THEMIS: variants seen among roughly 807,000 people sequenced by gnomAD.
THEMIS encodes the protein thymocyte selection associated, also known as protein THEMIS.
THEMIS carries 37 observed loss-of-function variants against 52.6 expected under a neutral mutation model. The ratio of observed to expected loss-of-function variants is 0.70; its 90% CI spans 0.54 to 0.93. The LOEUF (loss-of-function observed/expected upper bound fraction) is 0.93, where lower values mean the gene tolerates loss of function less well. THEMIS is among the 40% of genes least tolerant of loss of function. The probability of loss-of-function intolerance (pLI) is 0.00; values close to 1 mark genes in which losing one functional copy is unlikely to be tolerated. For missense variants in THEMIS, 808 were observed against 763.1 expected, an observed-to-expected ratio of 1.06 and a Z score of -0.69; for synonymous variants, 292 against 272.7, an observed-to-expected ratio of 1.07 and a Z score of -0.70.
At chr6:127,867,340 C>G (rs1780014127) in intron 1 of THEMIS, among the ~76,000 whole-genome samples, 1 of 152,090 alleles carries the variant, frequency 6.6e-6, no homozygotes, top group South Asian at 2.1e-4. Context: ...AAAGAAAATG[C>G]TTATTTCTCT....
intron 2 of THEMIS, among the ~76,000 whole-genome samples, chr6:127,843,454 T>C (rs1779117213): frequency 6.6e-6 from 1 of 151,934 alleles, no homozygotes; most frequent in South Asian, 2.1e-4. Context: ...AAGTGGAAAA[T>C]ATATATCAGA....
In THEMIS at chr6:127,784,400, C is replaced by T. The variant is rs192764102; in HGVS notation, c.1758+28483G>A. On this transcript the variant is annotated intron_variant, in intron 4 of 5. Transcript: ENST00000368248. ...AAAGTATATGTAAAAAAAAAATTCC[C>T]TTTTTTCCAGCAAAGTCCAGACTCT... Among the ~76,000 whole-genome samples the T allele has an allele frequency of 1.1e-3, 173 of 152,068 alleles. 1 individual carries two copies. Among genetic ancestry groups the T allele is most frequent in the African/African-American group, 3.9e-3 (163 of 41,508 alleles).
chr6:127,733,829 T>C (rs1482379888), intron 4 of THEMIS, among the ~76,000 whole-genome samples: 1 of 152,158 alleles, frequency 6.6e-6, no homozygotes, highest in Non-Finnish European at 1.5e-5. Flanking sequence ...GAAAAGACTA[T>C]ATCTAGTATA....
At chr6:127,706,235 A>G (rs188389027), downstream of THEMIS, among the ~76,000 whole-genome samples, 588 of 152,110 alleles carry the variant, frequency 3.9e-3, 5 homozygotes, top group Non-Finnish European at 3.9e-3. Context: ...AAATAAAAAC[A>G]CATAAATGCA....
upstream of THEMIS, among the ~76,000 whole-genome samples, chr6:127,903,023 G>A (rs1276062458): frequency 1.3e-5 from 2 of 151,958 alleles, no homozygotes; most frequent in South Asian, 2.1e-4. Context: ...GACAGATGAC[G>A]CTCTCTCTGT....
chr6:127,737,198 T>C (rs905325338), intron 4 of THEMIS, among the ~76,000 whole-genome samples: 1 of 152,212 alleles, frequency 6.6e-6, no homozygotes, highest in Non-Finnish European at 1.5e-5. Flanking sequence ...TCATTATATC[T>C]ATGCACTTAG....
upstream of THEMIS, among the ~76,000 whole-genome samples, chr6:127,904,966 C>A (rs73773944): frequency 2.0e-5 from 3 of 149,338 alleles, no homozygotes; most frequent in African/African-American, 7.4e-5. Flanking sequence ...CTCTCTCTCT[C>A]TCTATCTATC....
intron 1 of THEMIS, among the ~76,000 whole-genome samples, chr6:127,859,994 T>C (rs773780891): frequency 1.2e-4 from 18 of 152,120 alleles, no homozygotes; most frequent in Non-Finnish European, 1.5e-4. Flanking sequence ...AGTGTAAAAC[T>C]ATTTTATTGG....
At chr6:127,801,296 A>G (rs772276905) in intron 4 of THEMIS, among the ~76,000 whole-genome samples, 1 of 152,202 alleles carries the variant, frequency 6.6e-6, no homozygotes, top group Non-Finnish European at 1.5e-5. Context: ...CGAGGATTCT[A>G]TCTCCTGGCT....
intron 4 of THEMIS, among the ~76,000 whole-genome samples, chr6:127,734,868 C>CAAAAA (rs1197660495): frequency 3.3e-4 from 11 of 32,956 alleles, no homozygotes; most frequent in African/African-American, 8.5e-4. Context: ...GGCTCTGTCT[C>CAAAAA]AAAAAAAAAA....
intron 1 of THEMIS, among the ~76,000 whole-genome samples, chr6:127,897,920 T>G (rs1414627170): frequency 6.6e-6 from 1 of 151,672 alleles, no homozygotes; most frequent in East Asian, 1.9e-4. Flanking sequence ...TGTAGTATAT[T>G]CATCTAATGG....
intron 4 of THEMIS, among the ~76,000 whole-genome samples, chr6:127,727,571 A>G (rs977019235): frequency 3.8e-4 from 58 of 152,272 alleles, no homozygotes; most frequent in African/African-American, 1.2e-3. Flanking sequence ...TAGCCTTCTG[A>G]GTATTAAAAT....
At chr6:127,858,488 G>A (rs150315552) in intron 1 of THEMIS, among the ~76,000 whole-genome samples, 310 of 152,164 alleles carry the variant, frequency 2.0e-3, no homozygotes, top group African/African-American at 7.1e-3. Flanking sequence ...ATATAGCAAA[G>A]CTTAAGTCGC....
At chr6:127,747,920 A>G (rs1226856611) in intron 4 of THEMIS, among the ~76,000 whole-genome samples, 1 of 152,136 alleles carries the variant, frequency 6.6e-6, no homozygotes, top group Non-Finnish European at 1.5e-5. Flanking sequence ...TTGCACAAAA[A>G]GCAAGTTAAC....
chr6:127,730,606 A>G (rs1774759484), intron 4 of THEMIS, among the ~76,000 whole-genome samples: 2 of 152,180 alleles, frequency 1.3e-5, no homozygotes, highest in South Asian at 4.1e-4. Flanking sequence ...AATTCACTGC[A>G]ATTCTTTGGA....
chr6:127,815,864 T>C (rs1778111341), intron 3 of THEMIS, among the ~76,000 whole-genome samples: 1 of 152,110 alleles, frequency 6.6e-6, no homozygotes, highest in Admixed American at 6.6e-5. Context: ...TCAGAATTGA[T>C]CCACCAGAAC....
intron 2 of THEMIS, among the ~76,000 whole-genome samples, chr6:127,844,360 A>G (rs1014834758): frequency 1.3e-5 from 2 of 151,970 alleles, no homozygotes; most frequent in Non-Finnish European, 2.9e-5. Flanking sequence ...TATGGACAGG[A>G]TAGGGTAAAG....
chr6:127,733,110 T>C (rs1231103944), intron 4 of THEMIS, among the ~76,000 whole-genome samples: 1 of 152,256 alleles, frequency 6.6e-6, no homozygotes, highest in Non-Finnish European at 1.5e-5. Flanking sequence ...AATGTTATAT[T>C]GCTCATTGGA....
chr6:127,912,256 T>C (rs992950269), intron 1 of THEMIS, among the ~76,000 whole-genome samples: 9 of 152,186 alleles, frequency 5.9e-5, no homozygotes, highest in Admixed American at 2.0e-4. Context: ...AATAGGTGTG[T>C]TTACTCAATG....
Sources: allele counts gnomAD v4.1 joint callset (sites outside exome capture counted in the v4.1 genomes callset), GRCh38; gene constraint gnomAD v4.1.1; transcripts MANE v1.5; gene names NCBI Gene and HGNC (gene_info 2026-07-23, HGNC 2026-07-21).